SLC38A4: variants seen among roughly 807,000 people sequenced by gnomAD.
The protein encoded by SLC38A4 is solute carrier family 38 member 4.
In SLC38A4, 20 loss-of-function variants were observed where a neutral mutation model predicts 63.1. The observed-to-expected ratio is 0.32, with a 90% CI of 0.22 to 0.46. SLC38A4 has a LOEUF of 0.46. SLC38A4 is among the 20% of genes least tolerant of loss of function. The pLI, the probability that SLC38A4 is intolerant of heterozygous loss-of-function variation, is 1.00. For synonymous variants in SLC38A4, 230 were observed against 225.5 expected, an observed-to-expected ratio of 1.02 and a Z score of -0.18; for missense variants, 526 against 663.6, an observed-to-expected ratio of 0.79 and a Z score of 2.28.
intron 2 of SLC38A4, among the ~76,000 whole-genome samples, chr12:46,795,566 C>G (rs549036037): frequency 1.3e-5 from 2 of 152,244 alleles, no homozygotes; most frequent in Admixed American, 1.3e-4. Flanking sequence ...ATTCTATCTT[C>G]TTTCTTCAGT....
chr12:46,813,497 G>A (rs889858940), intron 1 of SLC38A4, among the ~76,000 whole-genome samples: 3 of 151,958 alleles, frequency 2.0e-5, no homozygotes, highest in Admixed American at 2.0e-4. Flanking sequence ...TGCTGCCTAG[G>A]AGCTGAGAGA....
chr12:46,827,857 T>G (rs1446353812), upstream of SLC38A4, among the ~76,000 whole-genome samples: 1 of 152,074 alleles, frequency 6.6e-6, no homozygotes, highest in East Asian at 1.9e-4. Context: ...TTAAAAGCAA[T>G]CAAAAAAGCT....
In SLC38A4 at chr12:46,766,365, G is replaced by A. The variant is rs1023290122; in HGVS notation, c.*336C>T. The A allele has an allele frequency of 1.1e-5, 5 of 468,024 alleles. No homozygotes were observed. Among genetic ancestry groups the A allele is most frequent in the South Asian group, 4.6e-5 (3 of 64,582 alleles). The allele number at this position is 468,024 out of a possible 1,614,324, so 29.0% of individuals were successfully genotyped here. A position where few individuals can be genotyped will look rare whatever the true frequency, so the allele number is the denominator to read the frequency against. On this transcript the variant is annotated 3_prime_UTR_variant, in exon 17 of 17. Transcript: ENST00000266579. ...TTTAGGGGGTGCAGGATGAGGAGAC[G>A]GCAGGGGAAAGAGTACTATCTGATG...
intron 12 of SLC38A4, among the ~76,000 whole-genome samples, chr12:46,777,627 AT>A (rs1165693304): frequency 6.6e-6 from 1 of 152,064 alleles, no homozygotes; most frequent in African/African-American, 2.4e-5. Context: ...TGATGTCTAG[AT>A]TAAAGAAGTT....
intron 11 of SLC38A4, 24 bp downstream of exon 11, chr12:46,778,477 T>C: frequency 1.2e-6 from 2 of 1,610,876 alleles, no homozygotes; most frequent in Non-Finnish European, 1.7e-6. Context: ...CTGTACTCAT[T>C]AGAAGCCCGG....
intron 14 of SLC38A4, among the ~76,000 whole-genome samples, chr12:46,774,349 G>A (rs886862695): frequency 4.6e-5 from 7 of 151,986 alleles, no homozygotes; most frequent in Non-Finnish European, 7.4e-5. Flanking sequence ...GAGCTGGCAG[G>A]AGGGTGAAGA....
intron 14 of SLC38A4, among the ~76,000 whole-genome samples, chr12:46,771,782 A>G (rs910274512): frequency 2.6e-5 from 4 of 152,082 alleles, no homozygotes; most frequent in Non-Finnish European, 5.9e-5. Context: ...AAAAGCCCCC[A>G]GCAGTTCTGT....
chr12:46,778,842 C>A (rs1208346543), intron 10 of SLC38A4, 66 bp from the exon 11 acceptor site: 8 of 1,485,200 alleles, frequency 5.4e-6, no homozygotes, highest in African/African-American at 1.4e-5. Context: ...AAATAAGAAT[C>A]CATATGTGTG....
intron 5 of SLC38A4, among the ~76,000 whole-genome samples, chr12:46,785,987 T>C (rs1938754509): frequency 6.6e-6 from 1 of 152,030 alleles, no homozygotes; most frequent in Non-Finnish European, 1.5e-5. Flanking sequence ...TTCCCCACAA[T>C]TGATCTAATC....
intron 1 of SLC38A4, among the ~76,000 whole-genome samples, chr12:46,815,529 A>G (rs1323059468): frequency 6.6e-6 from 1 of 151,588 alleles, no homozygotes; most frequent in Non-Finnish European, 1.5e-5. Context: ...ACAACCTTAG[A>G]ATATGGCCTG....
intron 2 of SLC38A4, among the ~76,000 whole-genome samples, chr12:46,795,931 C>T (rs972940168): frequency 7.9e-5 from 12 of 151,824 alleles, no homozygotes; most frequent in African/African-American, 2.2e-4. Flanking sequence ...AATCAAAAGG[C>T]TTGTCTTTCT....
rs141997108 is a variant in SLC38A4, at chr12:46,779,834, T to A, written c.604A>T (p.Ile202Phe). 6.2e-7 allele frequency: 1 copy of A among 1,612,228 alleles called. No homozygotes were observed. The highest frequency in any genetic ancestry group is 1.1e-5 in the South Asian group (1 of 90,942). ...GEWYLNGNYL[I>F]IFVSVGIILP... ...ATAATTCCAACAGACACAAATATGA[T>A]GAGGTAGTTGCCATTGAGGTACCAT... Residue 202 changes from isoleucine (I) to phenylalanine (F), a missense_variant, in exon 9 of 17, where the codon ATC (isoleucine) becomes TTC (phenylalanine). Transcript: ENST00000266579.
chr12:46,818,526 G>A (rs1361813344), intron 1 of SLC38A4, among the ~76,000 whole-genome samples: 1 of 151,622 alleles, frequency 6.6e-6, no homozygotes, highest in Admixed American at 6.6e-5. Flanking sequence ...TGGTAATATA[G>A]TACAACTCAT....
At chr12:46,810,847 T>A (rs181209997) in intron 1 of SLC38A4, among the ~76,000 whole-genome samples, 7 of 152,014 alleles carry the variant, frequency 4.6e-5, no homozygotes, top group African/African-American at 1.7e-4. Flanking sequence ...AATCTCTAGT[T>A]TGGGGTACTT....
At chr12:46,777,070 GA>G (rs1938544102) in intron 12 of SLC38A4, 66 bp from the exon 13 acceptor site, 1 of 1,281,284 alleles carries the variant, frequency 7.8e-7, no homozygotes, top group Non-Finnish European at 1.1e-6. Context: ...TTTTCAAAAT[GA>G]AAATAATAAT....
intron 10 of SLC38A4, 151 bp downstream of exon 10, chr12:46,779,460 T>A (rs900667623): frequency 1.2e-5 from 8 of 689,192 alleles, no homozygotes; most frequent in Non-Finnish European, 1.7e-5. Context: ...GCTGCTCTTT[T>A]TTTGCTCTAA....
chr12:46,815,241 AT>A (rs1939415382), intron 1 of SLC38A4, among the ~76,000 whole-genome samples: 4 of 9,204 alleles, frequency 4.3e-4, no homozygotes, highest in Admixed American at 2.6e-3. Flanking sequence ...TGGCTAAAGG[AT>A]ATATATATAT....
chr12:46,770,941 AGCTAAATAGCTTGCAGTTTCTCAT>A (rs1462969579), intron 14 of SLC38A4, among the ~76,000 whole-genome samples: 1 of 152,258 alleles, frequency 6.6e-6, no homozygotes, highest in African/African-American at 2.4e-5. Flanking sequence ...AAAAAATTCA[AGCTAAATAGCTTGCAGTTTCTCAT>A]GTGACATTCC....
chr12:46,817,637 C>G (rs1337406841), intron 1 of SLC38A4, among the ~76,000 whole-genome samples: 2 of 151,852 alleles, frequency 1.3e-5, no homozygotes, highest in African/African-American at 4.8e-5. Context: ...CTTATGTCTT[C>G]TAAGCCTTTG....
Sources: gnomAD v4.1 joint callset for allele counts (sites outside exome capture counted in the v4.1 genomes callset) on GRCh38, gnomAD v4.1.1 for gene constraint, MANE v1.5 for transcripts, NCBI Gene and HGNC (gene_info 2026-07-23, HGNC 2026-07-21) for gene names.